Variants in ARHGAP26 observed in about 807,000 individuals in gnomAD.
ARHGAP26 encodes Rho GTPase activating protein 26.
A neutral mutation model predicts 104.8 loss-of-function variants in ARHGAP26; 38 were observed. That is an observed-to-expected ratio of 0.36 (90% CI 0.28 to 0.48). The LOEUF (loss-of-function observed/expected upper bound fraction) is 0.48. Among genes scored for constraint, ARHGAP26 ranks in the 20% least tolerant of loss-of-function variants. The pLI is 0.99. For synonymous variants in ARHGAP26, 341 were observed against 340.0 expected (o/e 1.00, Z -0.03); for missense variants, 704 against 947.9 (o/e 0.74, Z 3.38).
At chr5:142,813,660 C>G (rs1764563612) in intron 1 of ARHGAP26, among the ~76,000 whole-genome samples, 1 of 152,226 alleles carries the variant, frequency 6.6e-6, no homozygotes, top group South Asian at 2.1e-4. Context: ...TTCACACGGT[C>G]TTTTCTCTGC....
chr5:142,895,978 T>C (rs533945910), intron 6 of ARHGAP26, among the ~76,000 whole-genome samples: 1 of 148,346 alleles, frequency 6.7e-6, no homozygotes, highest in Non-Finnish European at 1.5e-5. Flanking sequence ...TATATGAATA[T>C]TAAAACCTTA....
chr5:143,104,925 G>A (rs2150656915), intron 17 of ARHGAP26, among the ~76,000 whole-genome samples: 1 of 152,302 alleles, frequency 6.6e-6, no homozygotes, highest in African/African-American at 2.4e-5. Context: ...ATTTCTGGAT[G>A]GTAGAATCAC....
At chr5:142,909,680 TA>T (rs1761571670) in intron 9 of ARHGAP26, among the ~76,000 whole-genome samples, 2 of 152,206 alleles carry the variant, frequency 1.3e-5, no homozygotes, top group Non-Finnish European at 2.9e-5. Context: ...AAATTACATT[TA>T]GGAGGAATAT....
chr5:143,169,857 T>C (rs941643826), intron 20 of ARHGAP26: 5 of 152,242 alleles, frequency 3.3e-5, no homozygotes, highest in Non-Finnish European at 7.3e-5. Flanking sequence ...TTTGTACTGC[T>C]TTCTTTCCCC....
At chr5:142,786,654 ATTTTTTTTTTT>A (rs70991779) in intron 1 of ARHGAP26, among the ~76,000 whole-genome samples, 39 of 104,446 alleles carry the variant, frequency 3.7e-4, no homozygotes, top group Admixed American at 4.5e-4. Flanking sequence ...GAGTTCTAGA[ATTTTTTTTTTT>A]TTTTTTTTTT....
intron 20 of ARHGAP26, among the ~76,000 whole-genome samples, chr5:143,149,861 TTTTATTTCACTCC>T (rs1185593743): frequency 3.9e-5 from 6 of 152,226 alleles, no homozygotes; most frequent in Non-Finnish European, 7.3e-5. Flanking sequence ...TATCTGTTCT[TTTTATTTCACTCC>T]TTTATTTCAC....
intron 11 of ARHGAP26, among the ~76,000 whole-genome samples, chr5:142,982,812 A>C (rs1774137963): frequency 6.6e-6 from 1 of 152,130 alleles, no homozygotes; most frequent in African/African-American, 2.4e-5. Flanking sequence ...ATGGACCAGA[A>C]ATTGATGTGA....
At chr5:142,974,919 T>TA (rs1772840204) in intron 11 of ARHGAP26, among the ~76,000 whole-genome samples, 1 of 152,224 alleles carries the variant, frequency 6.6e-6, no homozygotes, top group Non-Finnish European at 1.5e-5. Flanking sequence ...TCCCTTCTCA[T>TA]ACTTTTCATT....
chr5:143,028,524 C>CTATATTACTATATAGTTACTATATAGT (rs1781396567), intron 12 of ARHGAP26, among the ~76,000 whole-genome samples: 2 of 152,126 alleles, frequency 1.3e-5, no homozygotes, highest in African/African-American at 4.8e-5. Flanking sequence ...AGATTTCATT[C>CTATATTACTATATAGTTACTATATAGT]AAATATTAGG....
At chr5:142,790,164 A>G (rs1759505234) in intron 1 of ARHGAP26, among the ~76,000 whole-genome samples, 2 of 152,208 alleles carry the variant, frequency 1.3e-5, no homozygotes, top group African/African-American at 4.8e-5. Flanking sequence ...GCAGGATGCT[A>G]GTGGATAGTG....
chr5:143,166,814 C>A (rs1407650517), intron 20 of ARHGAP26, among the ~76,000 whole-genome samples: 3 of 152,202 alleles, frequency 2.0e-5, no homozygotes, highest in African/African-American at 7.2e-5. Context: ...ACTGCCAAGT[C>A]CAGGACATAC....
At chr5:142,790,745 C>G (rs1759634642) in intron 1 of ARHGAP26, among the ~76,000 whole-genome samples, 1 of 152,166 alleles carries the variant, frequency 6.6e-6, no homozygotes, top group Admixed American at 6.5e-5. Flanking sequence ...CTTACTGTTC[C>G]TCTGGAATGC....
intron 1 of ARHGAP26, among the ~76,000 whole-genome samples, chr5:142,806,730 G>A (rs188930289): frequency 2.8e-4 from 43 of 152,286 alleles, no homozygotes; most frequent in African/African-American, 9.4e-4. Flanking sequence ...CCACTACTTA[G>A]ACATCTAACT....
chr5:142,988,728 C>A (rs1775147934), intron 11 of ARHGAP26, among the ~76,000 whole-genome samples: 1 of 152,170 alleles, frequency 6.6e-6, no homozygotes, highest in Admixed American at 6.5e-5. Context: ...ATCTTTATTT[C>A]TGCTTTCATT....
At chr5:142,782,418 C>T (rs1385910448) in intron 1 of ARHGAP26, among the ~76,000 whole-genome samples, 4 of 152,162 alleles carry the variant, frequency 2.6e-5, no homozygotes, top group Non-Finnish European at 5.9e-5. Context: ...CCATTGAAAT[C>T]ACCTGAGGAG....
chr5:143,154,473 C>A (rs921686762), intron 20 of ARHGAP26, among the ~76,000 whole-genome samples: 1 of 152,126 alleles, frequency 6.6e-6, no homozygotes, highest in African/African-American at 2.4e-5. Flanking sequence ...TTGGAGGGCT[C>A]CCCCCACAAA....
At chr5:143,164,455 GC>G (rs1470659701) in intron 20 of ARHGAP26, among the ~76,000 whole-genome samples, 1 of 152,128 alleles carries the variant, frequency 6.6e-6, no homozygotes, top group Non-Finnish European at 1.5e-5. Context: ...TTTAATTTCA[GC>G]TTGAATCAAT....
In ARHGAP26 at chr5:143,083,073, G is replaced by A. The variant is rs544437594; in HGVS notation, c.1538+25326G>A. ...CTCAGCCGAGTATAATACAGCAGTCGAAGGCAGTCTCTATGTATCTTGGGG... is the reference window on the plus strand; with the variant it reads ...CTCAGCCGAGTATAATACAGCAGTCAAAGGCAGTCTCTATGTATCTTGGGG... On this transcript the variant is annotated intron_variant, in intron 17 of 22. Transcript: ENST00000645722. Among the ~76,000 whole-genome samples, 161 of 152,300 alleles carry A rather than the reference G, an allele frequency of 1.1e-3. 1 individual carries two copies. Among genetic ancestry groups the A allele is most frequent in the East Asian group, 3.7e-3 (19 of 5,192 alleles).
intron 10 of ARHGAP26, among the ~76,000 whole-genome samples, chr5:142,919,730 C>T (rs1006065707): frequency 1.3e-5 from 2 of 152,154 alleles, no homozygotes; most frequent in African/African-American, 2.4e-5. Flanking sequence ...AGCGTGATGA[C>T]TCATGCCTGT....
Sources: allele counts gnomAD v4.1 joint callset (sites outside exome capture counted in the v4.1 genomes callset), GRCh38; gene constraint gnomAD v4.1.1; transcripts MANE v1.5; gene names NCBI Gene and HGNC (gene_info 2026-07-23, HGNC 2026-07-21).